Variants in CARMIL2 observed in about 807,000 individuals in gnomAD.
CARMIL2 encodes capping protein regulator and myosin 1 linker 2.
Under a neutral mutation model 173.3 loss-of-function variants are expected in CARMIL2, and 96 were observed. The observed-to-expected ratio is 0.55, with a 90% confidence interval of 0.47 to 0.66. The LOEUF is 0.66. Ranked by LOEUF, CARMIL2 falls within the 30% of genes least tolerant of loss-of-function variation. The pLI is 0.00. For missense variants in CARMIL2, 1,771 were observed against 1,906.7 expected, an observed-to-expected ratio of 0.93 and a Z score of 1.33; for synonymous variants, 830 against 817.1, an observed-to-expected ratio of 1.02 and a Z score of -0.27.
chr16:67,646,235 G>A lies in CARMIL2; in HGVS notation c.299G>A (p.Gly100Asp). 6.2e-7 allele frequency: 1 copy of A among 1,613,806 alleles called. No homozygotes were observed. Among genetic ancestry groups the A allele is most frequent in the Non-Finnish European group, 8.5e-7 (1 of 1,179,870 alleles). ...SLRELVLEFP[G>D]VAALEQLAQH... Reference sequence around the variant, plus strand: ...CGTGAGCTGGTCCTGGAGTTTCCTGGTGTGGCCGCCCTGGAACAGCTGGCC... The same window carrying A: ...CGTGAGCTGGTCCTGGAGTTTCCTGATGTGGCCGCCCTGGAACAGCTGGCC... The change falls in exon 5 of 38, where the codon GGT becomes GAT. Residue 100 changes from glycine (G) to aspartate (D), a missense_variant. This residue lies in a region of CARMIL2 where 944 missense variants were observed against 975.6 expected (regional missense o/e 0.97). Coordinates refer to ENST00000334583, the MANE Select transcript of CARMIL2 (RefSeq NM_001013838.3). This position sits in a 1 kb window ranked among gnomAD's most constrained non-coding sequence, Gnocchi z 4.6.
intron 32 of CARMIL2, 55 bp from the exon 33 acceptor site, chr16:67,655,976 G>A: frequency 1.3e-6 from 2 of 1,551,116 alleles, no homozygotes; most frequent in Non-Finnish European, 1.7e-6. Flanking sequence ...ACGAACAAAA[G>A]GCTAGGGTGT....
rs759519015 is a variant in CARMIL2, at chr16:67,647,989, G to A, written c.1071+31G>A. The A allele has an allele frequency of 6.2e-6, 10 of 1,605,700 alleles. No individual in the cohort carries two copies. The South Asian group carries it at 8.9e-5, about 14-fold the overall frequency. ...TGGCTGTCTTCAGGGTGGGAGCTTG[G>A]GGTTGCTCATAAGCCCTGGGTAGGC... On this transcript the variant is annotated intron_variant, in intron 13 of 37. Coordinates refer to ENST00000334583, the MANE Select transcript of CARMIL2 (RefSeq NM_001013838.3).
Position 67,651,398 on chromosome 16 carries a change from C to T in CARMIL2, c.2314-3C>T, listed in dbSNP as rs776328882. The T allele has an allele frequency of 6.3e-7, 1 of 1,592,018 alleles. No individual in the cohort carries two copies. Among genetic ancestry groups the T allele is most frequent in the Non-Finnish European group, 8.6e-7 (1 of 1,165,950 alleles). On this transcript the variant is annotated splice_region_variant and splice_polypyrimidine_tract_variant and intron_variant, in intron 23 of 37. Transcript: ENST00000334583. This position sits in a 1 kb window ranked among gnomAD's most constrained non-coding sequence, Gnocchi z 4.2. ...GCAACTGCTTTTCCTCTTTGGCCCT[C>T]AGATTCTCCCCATTCTATATGAAGC...
At position 67,649,052 on chromosome 16, in the gene CARMIL2, G is replaced by A. The variant is rs775538710; in HGVS notation, c.1592-24G>A. ...CACCCTACCCTTGCAACTTCGCCTC[G>A]TGCGTGACCCGAGTCACCCCCAGGC... On this transcript the variant is annotated intron_variant, in intron 17 of 37. Coordinates refer to ENST00000334583, the MANE Select transcript of CARMIL2 (RefSeq NM_001013838.3). This position sits in a 1 kb window ranked among gnomAD's most constrained non-coding sequence, Gnocchi z 6.7. 22 of 1,608,858 alleles carry A rather than the reference G, an allele frequency of 1.4e-5. No homozygotes were observed. The highest frequency in any genetic ancestry group is 1.8e-5 in the Non-Finnish European group (21 of 1,177,936).
In CARMIL2 at chr16:67,647,583, G is replaced by A; in HGVS notation, c.852G>A (p.Gly284=). 2 of 1,610,840 alleles carry A rather than the reference G, an allele frequency of 1.2e-6. No individual in the cohort carries two copies. Among genetic ancestry groups the A allele is most frequent in the Admixed American group, 1.7e-5 (1 of 59,584 alleles). ...GGCTGCGGGAGCTCAGCCTCGCGGG[G>A]AACCTGCTGGATGACCGAGGTATGA... The part of the protein sequence containing the change: ...SSGLRELSLA[G]NLLDDRGMTA... Residue 284 remains glycine (G), a synonymous_variant, in exon 11 of 38, where the codon GGG becomes GGA. Coordinates refer to ENST00000334583, the MANE Select transcript of CARMIL2 (RefSeq NM_001013838.3).
chr16:67,651,669 A>T lies in CARMIL2; in HGVS notation c.2428-16A>T, dbSNP rs2052725387. ...CTGGCCACATCCTCACCATGCTCTG[A>T]CTGACCTTTGTCTAGGACTTCACTC... On this transcript the variant is annotated splice_polypyrimidine_tract_variant and intron_variant, in intron 24 of 37. Transcript: ENST00000334583. The surrounding 1 kb of genome is among the most constrained non-coding windows in gnomAD (Gnocchi z 4.2). 1 of 1,603,598 alleles carries T rather than the reference A, an allele frequency of 6.2e-7. No homozygotes were observed. The highest frequency in any genetic ancestry group is 8.5e-7 in the Non-Finnish European group (1 of 1,175,720).
chr16:67,652,527 C>A lies in CARMIL2; in HGVS notation c.2873C>A (p.Pro958His). ...CTCAGCCACGGTCTTCACCTGGTCCCCTTCATTCACAGTAAGTCAGGGCCT... is the reference window on the plus strand; with the variant it reads ...CTCAGCCACGGTCTTCACCTGGTCCACTTCATTCACAGTAAGTCAGGGCCT... ...PELSHGLHLV[P>H]FIHSAAEEAE... Residue 958 changes from proline to histidine, a missense_variant, in exon 28 of 38, where the codon CCC becomes CAC. Physicochemically the swap from Pro to His is moderately conservative, Grantham distance 77 (BLOSUM62 -2). Coordinates refer to ENST00000334583, the MANE Select transcript of CARMIL2 (RefSeq NM_001013838.3). The surrounding 1 kb of genome is among the most constrained non-coding windows in gnomAD (Gnocchi z 4.7). 1 of 1,613,506 alleles carries A rather than the reference C, an allele frequency of 6.2e-7. No homozygotes were observed. The highest frequency in any genetic ancestry group is 1.3e-5 in the African/African-American group (1 of 75,026).
chr16:67,645,257 C>A lies in CARMIL2; in HGVS notation c.11C>A (p.Thr4Asn), dbSNP rs548621316. The A allele has an allele frequency of 1.2e-6, 2 of 1,601,500 alleles. No individual in the cohort carries two copies. Among genetic ancestry groups the A allele is most frequent in the Admixed American group, 1.7e-5 (1 of 58,674 alleles). MAQ[T>N]PDGISCELRG... The stretch of plus-strand genomic sequence containing the variant: ...CGGCCCGCCCGGCCCATGGCCCAGA[C>A]CCCCGACGGCATCTCCTGTGAGCTC... Residue 4 changes from threonine (T) to asparagine (N), a missense_variant, in exon 1 of 38, where the codon ACC (threonine) becomes AAC (asparagine). This residue lies in a region of CARMIL2 where 944 missense variants were observed against 975.6 expected (regional missense o/e 0.97). Coordinates refer to ENST00000334583, the MANE Select transcript of CARMIL2 (RefSeq NM_001013838.3).
Position 67,657,319 on chromosome 16 carries a change from AAG to A in CARMIL2, c.4195+6_4195+7del, listed in dbSNP as rs1455020123. The A allele has an allele frequency of 3.8e-5, 62 of 1,613,366 alleles. No individual in the cohort carries two copies. The highest frequency in any genetic ancestry group is 5.3e-5 in the Non-Finnish European group (62 of 1,179,740). On this transcript the variant is annotated splice_donor_5th_base_variant and intron_variant, in intron 37 of 37. Transcript: ENST00000334583. This position sits in a 1 kb window ranked among gnomAD's most constrained non-coding sequence, Gnocchi z 4.5. ...GGCACCTCCATCCCCAAGCCTAGGT[AAG>A]AGGGGGTCCAGGCCAGCTGGGAGGG... is the stretch of plus-strand genomic sequence containing the variant.
chr16:67,646,338 G>A lies in CARMIL2; in HGVS notation c.374+28G>A. 2 of 1,610,474 alleles carry A rather than the reference G, an allele frequency of 1.2e-6. No homozygotes were observed. The highest frequency in any genetic ancestry group is 1.3e-5 in the African/African-American group (1 of 74,984). On this transcript the variant is annotated intron_variant, in intron 5 of 37. Coordinates refer to ENST00000334583, the MANE Select transcript of CARMIL2 (RefSeq NM_001013838.3). This position sits in a 1 kb window ranked among gnomAD's most constrained non-coding sequence, Gnocchi z 4.6. ...GAGGCCTGGCAAATTCGAGGGGCTG[G>A]CAGGGGAGGAGGGAGTGCATGAGAA...
Position 67,648,407 on chromosome 16 carries a change from C to T in CARMIL2, c.1344C>T (p.Arg448=). 2 of 1,526,654 alleles carry T rather than the reference C, an allele frequency of 1.3e-6. No homozygotes were observed. The highest frequency in any genetic ancestry group is 1.7e-6 in the Non-Finnish European group (2 of 1,143,196). The allele number at this position is 1,526,654 out of a possible 1,614,324, so 94.6% of individuals were successfully genotyped here. Residue 448 remains arginine (R), a synonymous_variant, in exon 15 of 38, where the codon CGC becomes CGT. Coordinates refer to ENST00000334583, the MANE Select transcript of CARMIL2 (RefSeq NM_001013838.3). The surrounding 1 kb of genome is among the most constrained non-coding windows in gnomAD (Gnocchi z 6.1). ...SRNVFSRTKS[R]AAPAALQLFL... ...TTCCCACTTCCCCCAGGAAGTCCCG[C>T]GCCGCGCCGGCCGCGCTGCAGCTCT...
Position 67,647,949 on chromosome 16 carries a change from G to T in CARMIL2, c.1062G>T (p.Glu354Asp). Reference protein sequence around the residue: ...SGNPGALGASEDSGGLYSFLS... With the variant: ...SGNPGALGASDDSGGLYSFLS... Reference sequence around the variant, plus strand: ...ATCCTGGGGCGCTGGGGGCCTCCGAGGACAGTGGGGTGAGTGGCTGTCTTC... The same window carrying T: ...ATCCTGGGGCGCTGGGGGCCTCCGATGACAGTGGGGTGAGTGGCTGTCTTC... The change falls in exon 13 of 38, where the codon GAG becomes GAT. Residue 354 changes from glutamate to aspartate, a missense_variant. Transcript: ENST00000334583. The T allele has an allele frequency of 1.2e-6, 2 of 1,608,040 alleles. No homozygotes were observed. The highest frequency in any genetic ancestry group is 1.7e-6 in the Non-Finnish European group (2 of 1,176,918).
chr16:67,657,034 G>C lies in CARMIL2; in HGVS notation c.4117+153G>C, dbSNP rs1304098735. Reference sequence around the variant, plus strand: ...GCCAGAAGACCAGGTGCAAGGGTTTGACAGCAAGCCCTTCCAACTAGCACT... The same window carrying C: ...GCCAGAAGACCAGGTGCAAGGGTTTCACAGCAAGCCCTTCCAACTAGCACT... On this transcript the variant is annotated intron_variant, in intron 36 of 37. Coordinates refer to ENST00000334583, the MANE Select transcript of CARMIL2 (RefSeq NM_001013838.3). The surrounding 1 kb of genome is among the most constrained non-coding windows in gnomAD (Gnocchi z 4.5). 1.3e-6 allele frequency: 1 copy of C among 772,172 alleles called. No homozygotes were observed. Among genetic ancestry groups the C allele is most frequent in the Non-Finnish European group, 2.1e-6 (1 of 479,710 alleles). 47.8% of individuals were successfully genotyped at this position (772,172 alleles called of 1,614,324 possible).
chr16:67,652,376 G>A lies in CARMIL2; in HGVS notation c.2817+37G>A, dbSNP rs2052742845. ...TAGAACACGGGGCATGGCACTCCCA[G>A]TCTTCCCATCTTGCTGTGGAGTGTG... is the stretch of plus-strand genomic sequence containing the variant. On this transcript the variant is annotated intron_variant, in intron 27 of 37. Transcript: ENST00000334583. The surrounding 1 kb of genome is among the most constrained non-coding windows in gnomAD (Gnocchi z 4.7). 6.2e-7 allele frequency: 1 copy of A among 1,612,386 alleles called. No homozygotes were observed. The highest frequency in any genetic ancestry group is 1.1e-5 in the South Asian group (1 of 91,038).
chr16:67,645,602 G>A lies in CARMIL2; in HGVS notation c.103G>A (p.Gly35Arg). 4 of 1,613,410 alleles carry A rather than the reference G, an allele frequency of 2.5e-6. No individual in the cohort carries two copies. Among genetic ancestry groups the A allele is most frequent in the South Asian group, 1.1e-5 (1 of 91,058 alleles). The change falls in exon 2 of 38, where the codon GGG becomes AGG. Residue 35 changes from glycine (G) to arginine (R), a missense_variant. Around this residue, in one of 3 missense-constraint regions of CARMIL2, gnomAD observed 944 missense variants for 975.6 expected, o/e 0.97. Coordinates refer to ENST00000334583, the MANE Select transcript of CARMIL2 (RefSeq NM_001013838.3). ...VELLLKTWLP[G>R]EGAVQNHVLA... Reference sequence around the variant, plus strand: ...GCTGCTGCTGAAAACCTGGCTACCCGGGGAGGGTGCTGTGCAAAACCATGT... The same window carrying A: ...GCTGCTGCTGAAAACCTGGCTACCCAGGGAGGGTGCTGTGCAAAACCATGT...
intron 29 of CARMIL2, 62 bp from the exon 30 acceptor site, chr16:67,654,087 G>GC: frequency 3.6e-6 from 4 of 1,104,398 alleles, no homozygotes; most frequent in Non-Finnish European, 2.5e-6. Context: ...GGCCGGGGGG[G>GC]GGGGGGGGTA....
rs2052734475 is a variant in CARMIL2 at position 67,652,020 on chromosome 16, A to G, written c.2676+12A>G. Reference sequence around the variant, plus strand: ...CCCGGGATCAGCTGGTGAGGGGGAGATGTGCACACACTTTCGTGCAAACAC... The same window carrying G: ...CCCGGGATCAGCTGGTGAGGGGGAGGTGTGCACACACTTTCGTGCAAACAC... On this transcript the variant is annotated intron_variant, in intron 26 of 37. Transcript: ENST00000334583. This position sits in a 1 kb window ranked among gnomAD's most constrained non-coding sequence, Gnocchi z 4.7. 1 of 1,612,916 alleles carries G rather than the reference A, an allele frequency of 6.2e-7. No homozygotes were observed. Among genetic ancestry groups the G allele is most frequent in the Middle Eastern group, 1.6e-4 (1 of 6,062 alleles).
In CARMIL2 at chr16:67,654,810, G is replaced by C; in HGVS notation, c.3615G>C (p.Leu1205=). Residue 1205 remains leucine (L), a synonymous_variant, in exon 32 of 38, where the codon CTG becomes CTC. Coordinates refer to ENST00000334583, the MANE Select transcript of CARMIL2 (RefSeq NM_001013838.3). ...CCCTGGAGCGGGGAGAAACAGAACTGGCTCCATCCTTTGAACAGCGGGTAC... is the reference window on the plus strand; with the variant it reads ...CCCTGGAGCGGGGAGAAACAGAACTCGCTCCATCCTTTGAACAGCGGGTAC... ...RRPLERGETE[L]APSFEQRVQV... 6.2e-7 allele frequency: 1 copy of C among 1,613,578 alleles called. No homozygotes were observed.
chr16:67,650,801 G>C, intron 22 of CARMIL2: 1 of 201,842 alleles, frequency 5.0e-6, no homozygotes, highest in Non-Finnish European at 1.0e-5. Context: ...CCTGCCTCTA[G>C]ACCAACCTTC....
Sources: gnomAD v4.1 joint callset for allele counts on GRCh38, gnomAD v4.1.1 for gene constraint, gnomAD v4.1.1 regional missense constraint, Gnocchi (gnomAD v3.1) non-coding constraint, MANE v1.5 for transcripts, NCBI Gene and HGNC (gene_info 2026-07-23, HGNC 2026-07-21) for gene names.